Variants in ZNF790 observed in about 807,000 individuals in gnomAD.
ZNF790 encodes the protein zinc finger protein 790.
ZNF790 carries 8 observed loss-of-function variants against 12.1 expected under a neutral mutation model. The observed-to-expected ratio is 0.66, with a 90% CI of 0.39 to 1.19. The LOEUF (loss-of-function observed/expected upper bound fraction) is 1.19, where lower values mean the gene tolerates loss of function less well. ZNF790 is among the 50% of genes most tolerant of loss of function. The pLI is 0.01. For missense variants in ZNF790, 707 were observed against 752.2 expected, an observed-to-expected ratio of 0.94 and a Z score of 0.70; for synonymous variants, 252 against 244.3, an observed-to-expected ratio of 1.03 and a Z score of -0.29.
At position 36,819,635 on chromosome 19, in the gene ZNF790, A is replaced by C. The variant is rs1260792969; in HGVS notation, c.709T>G (p.Leu237Val). The change falls in exon 5 of 5, where the codon TTA (leucine) becomes GTA (valine). Residue 237 changes from leucine (L) to valine (V), a missense_variant. Transcript: ENST00000356725. ...ECKECGKSFS[L>V]RSSLTGHKRI... is the part of the protein sequence containing the mutation. ...TTATGACCAGTAAGACTCGAACGTA[A>C]ACTAAAAGACTTCCCACATTCTTTA... 1.2e-6 allele frequency: 2 copies of C among 1,606,988 alleles called. No homozygotes were observed. Among genetic ancestry groups the C allele is most frequent in the African/African-American group, 2.7e-5 (2 of 74,584 alleles).
chr19:36,818,919 C>T lies in ZNF790; in HGVS notation c.1425G>A (p.Glu475=). Residue 475 remains glutamate (E), a synonymous_variant, in exon 5 of 5, where the codon GAG becomes GAA. Coordinates refer to ENST00000356725, the MANE Select transcript of ZNF790 (RefSeq NM_206894.4). ...CACATTCCTTACATTCATAGTTTCTCTCACCAGTATGAATTTTCTGATGTC... is the reference window on the plus strand; with the variant it reads ...CACATTCCTTACATTCATAGTTTCTTTCACCAGTATGAATTTTCTGATGTC... ...FNRHQKIHTG[E]RNYECKECGK... 6.2e-7 allele frequency: 1 copy of T among 1,610,728 alleles called. No homozygotes were observed. The highest frequency in any genetic ancestry group is 8.5e-7 in the Non-Finnish European group (1 of 1,177,704).
chr19:36,845,545 A>G (rs1281924790), intron 1 of ZNF790, among the ~76,000 whole-genome samples: 1 of 152,236 alleles, frequency 6.6e-6, no homozygotes, highest in Admixed American at 6.5e-5. Context: ...AATAACAAAA[A>G]TAAAGCAAAA....
chr19:36,840,379 G>T (rs1475511668), upstream of ZNF790, among the ~76,000 whole-genome samples: 1 of 152,196 alleles, frequency 6.6e-6, no homozygotes, highest in Non-Finnish European at 1.5e-5. Flanking sequence ...GGGAAACCAG[G>T]TGCACACTGC....
Position 36,818,884 on chromosome 19 carries a change from AAG to A in ZNF790, c.1458_1459del (p.Phe488SerfsTer6). The A allele has an allele frequency of 6.2e-7, 1 of 1,611,360 alleles. No homozygotes were observed. Among genetic ancestry groups the A allele is most frequent in the Non-Finnish European group, 8.5e-7 (1 of 1,178,050 alleles). The stretch of plus-strand genomic sequence containing the variant: ...TCGATTAAGTTCTGAACCACGAAAA[AAG>A]GTCTTTCCACATTCCTTACATTCAT... On this transcript the variant is annotated frameshift_variant, in exon 5 of 5. Transcript: ENST00000356725. LOFTEE classifies it low-confidence loss of function (END_TRUNC).
intron 1 of ZNF790, among the ~76,000 whole-genome samples, chr19:36,829,676 T>G (rs1385159606): frequency 2.0e-5 from 3 of 152,202 alleles, no homozygotes; most frequent in African/African-American, 7.2e-5. Context: ...CAAGTGACTC[T>G]CCTGCCTCAG....
Position 36,820,007 on chromosome 19 carries a change from C to T in ZNF790, c.337G>A (p.Asp113Asn), listed in dbSNP as rs987094305. ...IMRICKNHSL[D>N]CLCFRGDWEG... is the part of the protein sequence containing the mutation. Reference sequence around the variant, plus strand: ...CAGTCACCTCTAAAACATAAACAGTCAAGGCTGTGGTTTTTACAAATTCTC... The same window carrying T: ...CAGTCACCTCTAAAACATAAACAGTTAAGGCTGTGGTTTTTACAAATTCTC... The change falls in exon 5 of 5, where the codon GAC (aspartate) becomes AAC (asparagine). Residue 113 changes from aspartate (D) to asparagine (N), a missense_variant. Transcript: ENST00000356725. 1.2e-6 allele frequency: 2 copies of T among 1,613,762 alleles called. No homozygotes were observed. The highest frequency in any genetic ancestry group is 2.7e-5 in the African/African-American group (2 of 74,890).
rs763094890 is a variant in ZNF790 at position 36,832,975 on chromosome 19, T to TAAA, written c.-74+5359_-74+5361dup. ...TTAAGCAAAAGAATGAGACCTTCTC[T>TAAA]AAAAAAAAAAAAAAAATGAATACAA... On this transcript the variant is annotated intron_variant, in intron 1 of 4. Transcript: ENST00000356725. Among the ~76,000 whole-genome samples, 1,170 of 134,664 alleles carry TAAA rather than the reference T, an allele frequency of 8.7e-3. 8 individuals are homozygous for TAAA. Among genetic ancestry groups the TAAA allele is most frequent in the Non-Finnish European group, 0.012 (754 of 63,514 alleles). The allele number at this position is 134,664 out of a possible 152,430, so 88.3% of individuals were successfully genotyped here. A position where few individuals can be genotyped will look rare whatever the true frequency, so the allele number is the denominator to read the frequency against.
At position 36,819,459 on chromosome 19, in the gene ZNF790, T is replaced by C; in HGVS notation, c.885A>G (p.Ser295=). Reference sequence around the variant, plus strand: ...GAATTCTCTGATGTCGAGTAAGATCTGAGCCACAACTAAAGGCCTTCCCAC... The same window carrying C: ...GAATTCTCTGATGTCGAGTAAGATCCGAGCCACAACTAAAGGCCTTCCCAC... ...KECGKAFSCG[S]DLTRHQRIHT... is the part of the protein sequence containing the mutation. Residue 295 remains serine (S), a synonymous_variant, in exon 5 of 5, where the codon TCA becomes TCG. Transcript: ENST00000356725. The C allele has an allele frequency of 6.2e-7, 1 of 1,610,606 alleles. No homozygotes were observed. The highest frequency in any genetic ancestry group is 1.1e-5 in the South Asian group (1 of 90,848).
At chr19:36,847,799 G>A (rs1173030565) in intron 1 of ZNF790, among the ~76,000 whole-genome samples, 1 of 151,812 alleles carries the variant, frequency 6.6e-6, no homozygotes, top group Non-Finnish European at 1.5e-5. Flanking sequence ...AAATTATGAG[G>A]GAAGAGCCTA....
At position 36,820,018 on chromosome 19, in the gene ZNF790, T is replaced by C; in HGVS notation, c.326A>G (p.Asn109Ser). 1 of 1,613,764 alleles carries C rather than the reference T, an allele frequency of 6.2e-7. No homozygotes were observed. The highest frequency in any genetic ancestry group is 8.5e-7 in the Non-Finnish European group (1 of 1,180,014). ...AQLEIMRICK[N>S]HSLDCLCFRG... ...AAAACATAAACAGTCAAGGCTGTGG[T>C]TTTTACAAATTCTCATTATTTCCAA... Residue 109 changes from asparagine to serine, a missense_variant, in exon 5 of 5, where the codon AAC becomes AGC. By Grantham distance (46) the Asn-to-Ser change is conservative. Transcript: ENST00000356725.
intron 1 of ZNF790, among the ~76,000 whole-genome samples, chr19:36,835,454 T>C (rs1316906422): frequency 6.6e-6 from 1 of 152,124 alleles, no homozygotes; most frequent in African/African-American, 2.4e-5. Context: ...CTGTAAATTA[T>C]ATTATTGGTG....
chr19:36,822,872 A>T (rs949577533), intron 4 of ZNF790, among the ~76,000 whole-genome samples: 1 of 151,202 alleles, frequency 6.6e-6, no homozygotes, highest in East Asian at 2.0e-4. Context: ...TTCCCCTGAG[A>T]CAGAGTCTCA....
Position 36,819,279 on chromosome 19 carries a change from C to T in ZNF790, c.1065G>A (p.Gln355=). Residue 355 remains glutamine, a synonymous_variant, in exon 5 of 5, where the codon CAG becomes CAA. Coordinates refer to ENST00000356725, the MANE Select transcript of ZNF790 (RefSeq NM_206894.4). ...KAFTRGSHLT[Q]HQRIHTGEKS... is the part of the protein sequence containing the mutation. ...TCTCACCAGTATGAATTCTCTGATGCTGAGTTAGGTGTGATCCACGAGTAA... is the reference window on the plus strand; with the variant it reads ...TCTCACCAGTATGAATTCTCTGATGTTGAGTTAGGTGTGATCCACGAGTAA... 2.5e-6 allele frequency: 4 copies of T among 1,612,418 alleles called. No homozygotes were observed. The highest frequency in any genetic ancestry group is 3.4e-6 in the Non-Finnish European group (4 of 1,179,140).
chr19:36,830,037 A>G (rs1309769966), intron 1 of ZNF790, among the ~76,000 whole-genome samples: 2 of 151,954 alleles, frequency 1.3e-5, no homozygotes, highest in Non-Finnish European at 2.9e-5. Context: ...AGTGTCTTTT[A>G]TTTCTTTTAC....
intron 1 of ZNF790, among the ~76,000 whole-genome samples, chr19:36,831,192 A>G (rs1237885758): frequency 3.3e-5 from 5 of 152,100 alleles, no homozygotes; most frequent in Admixed American, 6.6e-5. Context: ...AAGTGTGTCA[A>G]AATCCCCCAT....
At position 36,825,676 on chromosome 19, in the gene ZNF790, G is replaced by C; in HGVS notation, c.-57C>G. On this transcript the variant is annotated 5_prime_UTR_variant, in exon 2 of 5. Transcript: ENST00000356725. ...CTGGATTCTTTCTTGGTGAGGCAGC[G>C]TGCTGGGAAAGCAGAGCTAGAAGGA... is the stretch of plus-strand genomic sequence containing the variant. 1 of 1,595,066 alleles carries C rather than the reference G, an allele frequency of 6.3e-7. No individual in the cohort carries two copies. The highest frequency in any genetic ancestry group is 8.6e-7 in the Non-Finnish European group (1 of 1,162,664).
intron 1 of ZNF790, among the ~76,000 whole-genome samples, chr19:36,844,120 T>A (rs997442681): frequency 6.7e-6 from 1 of 150,028 alleles, no homozygotes; most frequent in Admixed American, 6.7e-5. Flanking sequence ...GAGTTTGAGA[T>A]CAGCCTGGGC....
intron 1 of ZNF790, chr19:36,837,930 T>C (rs1291680435): frequency 6.6e-6 from 1 of 152,256 alleles, no homozygotes. Context: ...GGACTATGCC[T>C]GTCACTCAAC....
intron 1 of ZNF790, among the ~76,000 whole-genome samples, chr19:36,849,061 G>A (rs1254526483): frequency 1.3e-5 from 2 of 152,094 alleles, no homozygotes; most frequent in African/African-American, 4.8e-5. Context: ...CCAAAGTGCT[G>A]GGATTACAGG....
Sources: gnomAD v4.1 joint callset for allele counts (sites outside exome capture counted in the v4.1 genomes callset) on GRCh38, gnomAD v4.1.1 for gene constraint, MANE v1.5 for transcripts, NCBI Gene and HGNC (gene_info 2026-07-23, HGNC 2026-07-21) for gene names.